MBD5: variants seen among roughly 807,000 people sequenced by gnomAD.
MBD5 encodes methyl-CpG-binding domain protein 5.
Under a neutral mutation model 117.3 loss-of-function variants are expected in MBD5, and 13 were observed. The observed-to-expected ratio is 0.11, with a 90% CI of 0.07 to 0.18. MBD5 has a LOEUF of 0.18. Among genes scored for constraint, MBD5 ranks in the 10% least tolerant of loss-of-function variants. MBD5 has a pLI of 1.00. For synonymous variants in MBD5, 727 were observed against 766.4 expected (o/e 0.95, Z 0.85); for missense variants, 1,879 against 2,093.8 (o/e 0.90, Z 2.00).
chr2:148,297,229 A>T (rs1278676124), intron 3 of MBD5, among the ~76,000 whole-genome samples: 2 of 152,146 alleles, frequency 1.3e-5, no homozygotes, highest in Non-Finnish European at 2.9e-5. Flanking sequence ...TGGACTTTCT[A>T]GATAGCATAT....
intron 4 of MBD5, among the ~76,000 whole-genome samples, chr2:148,442,348 G>A (rs1342584469): frequency 1.3e-5 from 2 of 151,194 alleles, no homozygotes; most frequent in Non-Finnish European, 2.9e-5. Flanking sequence ...GGGGGAAAAA[G>A]TGACACAAAG....
At chr2:148,088,934 C>T (rs1695865644) in intron 1 of MBD5, among the ~76,000 whole-genome samples, 6 of 152,056 alleles carry the variant, frequency 3.9e-5, no homozygotes, top group Admixed American at 3.9e-4. Flanking sequence ...ACTCCACCAA[C>T]CAAGTATCTG....
chr2:148,383,234 G>A (rs1477974589), intron 4 of MBD5, among the ~76,000 whole-genome samples: 2 of 151,810 alleles, frequency 1.3e-5, no homozygotes, highest in Non-Finnish European at 2.9e-5. Context: ...AGAAGAGAGA[G>A]AAGAATCAAA....
At chr2:148,152,018 T>G (rs1014305929) in intron 1 of MBD5, among the ~76,000 whole-genome samples, 2 of 150,928 alleles carry the variant, frequency 1.3e-5, no homozygotes, top group Non-Finnish European at 3.0e-5. Flanking sequence ...TTCTAGTTCT[T>G]TTAATTGTGA....
At chr2:148,112,793 C>G (rs577233669) in intron 1 of MBD5, among the ~76,000 whole-genome samples, 1 of 152,172 alleles carries the variant, frequency 6.6e-6, no homozygotes, top group African/African-American at 2.4e-5. Flanking sequence ...ACTCAGAAAT[C>G]CCAGGAGTCC....
chr2:148,185,234 A>T (rs936575378), intron 2 of MBD5, among the ~76,000 whole-genome samples: 2 of 152,192 alleles, frequency 1.3e-5, no homozygotes, highest in Non-Finnish European at 2.9e-5. Context: ...ACCAGCCAGC[A>T]CACTTACCAG....
chr2:148,410,967 C>A (rs1705228829), intron 4 of MBD5, among the ~76,000 whole-genome samples: 1 of 151,998 alleles, frequency 6.6e-6, no homozygotes, highest in South Asian at 2.1e-4. Context: ...CAGGTAATAA[C>A]CATAGTAACC....
In MBD5 at chr2:148,469,624, C is replaced by T; in HGVS notation, c.1681C>T (p.Pro561Ser). 6.2e-7 allele frequency: 1 copy of T among 1,613,922 alleles called. No homozygotes were observed. The highest frequency in any genetic ancestry group is 8.5e-7 in the Non-Finnish European group (1 of 1,179,898). The change falls in exon 8 of 14, where the codon CCT becomes TCT. Residue 561 changes from proline to serine, a missense_variant. By Grantham distance (74) the Pro-to-Ser change is moderately conservative. This residue lies in a region of MBD5 where 1,666 missense variants were observed against 1,792.2 expected (regional missense o/e 0.93). Coordinates refer to ENST00000642680, the MANE Select transcript of MBD5 (RefSeq NM_001378120.1). ...VKSQPGLLGM[P>S]LNQILNQHNA... ...GAGTCAGCCTGGTTTGCTGGGAATG[C>T]CTTTAAATCAGATCTTGAACCAGCA...
chr2:148,243,443 A>G (rs187346219), intron 3 of MBD5, among the ~76,000 whole-genome samples: 141 of 152,248 alleles, frequency 9.3e-4, no homozygotes, highest in African/African-American at 3.3e-3. Context: ...AGGTTATAAT[A>G]TATGAAAAGC....
intron 1 of MBD5, among the ~76,000 whole-genome samples, chr2:148,141,044 T>A (rs1697300243): frequency 6.6e-6 from 1 of 152,146 alleles, no homozygotes; most frequent in East Asian, 1.9e-4. Flanking sequence ...ACTGCTGGGA[T>A]TACAGGTGTC....
intron 1 of MBD5, among the ~76,000 whole-genome samples, chr2:148,115,283 A>C (rs1304245054): frequency 6.6e-6 from 1 of 152,154 alleles, no homozygotes; most frequent in African/African-American, 2.4e-5. Flanking sequence ...ATATTTCTGC[A>C]ATAGTGGAAT....
At chr2:148,441,306 C>G (rs1365831847) in intron 4 of MBD5, among the ~76,000 whole-genome samples, 2 of 152,070 alleles carry the variant, frequency 1.3e-5, no homozygotes, top group Non-Finnish European at 2.9e-5. Context: ...CTTACTGTGT[C>G]CATGCGTTCT....
intron 1 of MBD5, among the ~76,000 whole-genome samples, chr2:148,099,021 C>CT (rs1215171175): frequency 6.6e-6 from 1 of 152,132 alleles, no homozygotes; most frequent in African/African-American, 2.4e-5. Flanking sequence ...TGCCACTGTA[C>CT]TCCAGCCTGG....
At chr2:148,031,470 A>C (rs1236964644) in intron 1 of MBD5, among the ~76,000 whole-genome samples, 1 of 152,120 alleles carries the variant, frequency 6.6e-6, no homozygotes, top group African/African-American at 2.4e-5. Flanking sequence ...GGTAAAGACA[A>C]AGCTTCCAAT....
In MBD5 at chr2:148,114,693, C is replaced by A. The variant is rs542659467; in HGVS notation, c.-924-64007C>A. ...GTGAGAATAAGTTACTTACTGTGTG[C>A]TGTCATTAGAAATAACATATTAGGA... On this transcript the variant is annotated intron_variant, in intron 1 of 13. Coordinates refer to ENST00000642680, the MANE Select transcript of MBD5 (RefSeq NM_001378120.1). Among the ~76,000 whole-genome samples, 556 of 152,172 alleles carry A rather than the reference C, an allele frequency of 3.7e-3. 1 individual carries two copies. The highest frequency in any genetic ancestry group is 6.6e-3 in the Admixed American group (101 of 15,284).
At chr2:148,425,778 AC>A (rs1320344400) in intron 4 of MBD5, among the ~76,000 whole-genome samples, 1 of 152,218 alleles carries the variant, frequency 6.6e-6, no homozygotes, top group Non-Finnish European at 1.5e-5. Flanking sequence ...AGAATAAATG[AC>A]AAAATCCATG....
intron 1 of MBD5, among the ~76,000 whole-genome samples, chr2:148,080,981 C>T (rs1023366550): frequency 2.0e-5 from 3 of 152,058 alleles, no homozygotes; most frequent in Non-Finnish European, 2.9e-5. Flanking sequence ...AGATTAAATA[C>T]GGAAAACCAT....
At chr2:148,307,027 A>T (rs1166655092) in intron 3 of MBD5, among the ~76,000 whole-genome samples, 2 of 152,160 alleles carry the variant, frequency 1.3e-5, no homozygotes, top group Admixed American at 1.3e-4. Flanking sequence ...ACAAGATTAG[A>T]GCATTTAGGA....
At chr2:148,234,252 A>G (rs536639822) in intron 3 of MBD5, among the ~76,000 whole-genome samples, 57 of 152,206 alleles carry the variant, frequency 3.7e-4, no homozygotes, top group African/African-American at 1.4e-3. Context: ...CAAAGAAACT[A>G]TATATATATG....
Sources: gnomAD v4.1 joint callset for allele counts (sites outside exome capture counted in the v4.1 genomes callset) on GRCh38, gnomAD v4.1.1 for gene constraint, gnomAD v4.1.1 regional missense constraint, MANE v1.5 for transcripts, NCBI Gene and HGNC (gene_info 2026-07-23, HGNC 2026-07-21) for gene names.